GADD45B: variants seen among roughly 807,000 people sequenced by gnomAD.
GADD45B encodes the protein growth arrest and DNA damage-inducible protein GADD45 beta.
In GADD45B, 8 loss-of-function variants were observed where a neutral mutation model predicts 15.2. That is an observed-to-expected ratio of 0.53 (90% CI 0.31 to 0.95). The LOEUF (loss-of-function observed/expected upper bound fraction) is 0.95. GADD45B is among the 40% of genes least tolerant of loss of function. The probability of loss-of-function intolerance (pLI) is 0.05; values close to 1 mark genes in which losing one functional copy is unlikely to be tolerated. For missense variants in GADD45B, 162 were observed against 216.6 expected (o/e 0.75, Z 1.58); for synonymous variants, 100 against 89.8 (o/e 1.11, Z -0.64).
chr19:2,477,600 G>A lies in GADD45B; in HGVS notation c.482G>A (p.Ter161=), dbSNP rs1972336093. ...WVPYISLQER[*] ...CCCTACATCTCTCTTCAGGAACGCT[G>A]AGGCCCTTCCCAGCAGCAGAATCTG... is the stretch of plus-strand genomic sequence containing the variant. Residue 161 remains the stop codon, a stop_retained_variant, in exon 4 of 4, where the codon TGA becomes TAA. Transcript: ENST00000215631. The surrounding 1 kb of genome is among the most constrained non-coding windows in gnomAD (Gnocchi z 4.2). 2 of 1,555,682 alleles carry A rather than the reference G, an allele frequency of 1.3e-6. No individual in the cohort carries two copies. Among genetic ancestry groups the A allele is most frequent in the South Asian group, 1.1e-5 (1 of 89,890 alleles).
chr19:2,477,101 C>A lies in GADD45B; in HGVS notation c.219C>A (p.Ile73=), dbSNP rs1369520582. 5 of 1,613,830 alleles carry A rather than the reference C, an allele frequency of 3.1e-6. No homozygotes were observed. In the African/African-American group the frequency reaches 5.3e-5, roughly 17 times the overall value. Residue 73 remains isoleucine (I), a synonymous_variant, in exon 3 of 4, where the codon ATC becomes ATA. Coordinates refer to ENST00000215631, the MANE Select transcript of GADD45B (RefSeq NM_015675.4). This position sits in a 1 kb window ranked among gnomAD's most constrained non-coding sequence, Gnocchi z 4.2. ...EEEEDDIALQ[I]HFTLIQSFCC... is the part of the protein sequence containing the mutation. ...AGGAGGATGACATCGCCCTGCAAAT[C>A]CACTTCACGCTCATCCAGTCCTTCT...
At position 2,476,296 on chromosome 19, in the gene GADD45B, A is replaced by G. The variant is rs1372731580; in HGVS notation, c.-63A>G. ...GAAGGTTTTGGGCTCTCTGGCTCGG[A>G]TTTTGCAATTTCTCCCTGGGGACTG... On this transcript the variant is annotated 5_prime_UTR_variant, in exon 1 of 4. Transcript: ENST00000215631. The G allele has an allele frequency of 1.0e-5, 16 of 1,553,424 alleles. No homozygotes were observed. The East Asian group carries it at 3.1e-4, about 30-fold the overall frequency.
At chr19:2,476,423 C>T in intron 1 of GADD45B, 21 bp downstream of exon 1, 2 of 1,611,914 alleles carry the variant, frequency 1.2e-6, no homozygotes, top group Non-Finnish European at 1.7e-6. Flanking sequence ...GGGGCTGCCG[C>T]CGCCTGAGGT....
At position 2,477,348 on chromosome 19, in the gene GADD45B, C is replaced by G. The variant is rs769939606; in HGVS notation, c.369+97C>G. 8.6e-6 allele frequency: 9 copies of G among 1,045,102 alleles called. No homozygotes were observed. Among genetic ancestry groups the G allele is most frequent in the Admixed American group, 2.4e-5 (1 of 41,134 alleles). 64.7% of individuals were successfully genotyped at this position (1,045,102 alleles called of 1,614,324 possible). ...GACTGGTCCTGCACAGCTCAGCGCT[C>G]AGCCACGTTTGGCATGTCCCGTGGG... On this transcript the variant is annotated intron_variant, in intron 3 of 3. Transcript: ENST00000215631. The surrounding 1 kb of genome is among the most constrained non-coding windows in gnomAD (Gnocchi z 4.2).
Position 2,477,171 on chromosome 19 carries a change from C to G in GADD45B, c.289C>G (p.Arg97Gly). The change falls in exon 3 of 4, where the codon CGC becomes GGC. Residue 97 changes from arginine to glycine, a missense_variant. Arg to Gly is a moderately radical substitution (Grantham distance 125). Coordinates refer to ENST00000215631, the MANE Select transcript of GADD45B (RefSeq NM_015675.4). This position sits in a 1 kb window ranked among gnomAD's most constrained non-coding sequence, Gnocchi z 4.2. The part of the protein sequence containing the change: ...INIVRVSGMQ[R>G]LAQLLGEPAE... Reference sequence around the variant, plus strand: ...CATCGTGCGGGTGTCGGGCATGCAGCGCCTGGCGCAGCTCCTGGGAGAGCC... The same window carrying G: ...CATCGTGCGGGTGTCGGGCATGCAGGGCCTGGCGCAGCTCCTGGGAGAGCC... 6.2e-7 allele frequency: 1 copy of G among 1,612,946 alleles called. No individual in the cohort carries two copies. The highest frequency in any genetic ancestry group is 1.7e-5 in the Admixed American group (1 of 60,004).
In GADD45B at chr19:2,476,391, C is replaced by G. The variant is rs757444576; in HGVS notation, c.33C>G (p.Asn11Lys). 1 of 1,613,444 alleles carries G rather than the reference C, an allele frequency of 6.2e-7. No individual in the cohort carries two copies. The highest frequency in any genetic ancestry group is 8.5e-7 in the Non-Finnish European group (1 of 1,179,916). MTLEELVACD[N>K]AAQKMQTVTA... The stretch of plus-strand genomic sequence containing the variant: ...TGGAAGAGCTCGTGGCGTGCGACAA[C>G]GCGGCGCAGAAGTAAGTAGCCGGGG... The change falls in exon 1 of 4, where the codon AAC becomes AAG. Residue 11 changes from asparagine to lysine, a missense_variant. Physicochemically the swap from Asn to Lys is moderately conservative, Grantham distance 94. Coordinates refer to ENST00000215631, the MANE Select transcript of GADD45B (RefSeq NM_015675.4).
chr19:2,476,260 T>C lies in GADD45B; in HGVS notation c.-99T>C. On this transcript the variant is annotated 5_prime_UTR_variant, in exon 1 of 4. Transcript: ENST00000215631. ...TCCCGAAGGTCTTGGACGAGCGCTC[T>C]AGCTCTGTGGGAAGGTTTTGGGCTC... The C allele has an allele frequency of 8.7e-7, 1 of 1,147,428 alleles. No individual in the cohort carries two copies. The highest frequency in any genetic ancestry group is 1.7e-5 in the Admixed American group (1 of 59,274). 71.1% of individuals were successfully genotyped at this position (1,147,428 alleles called of 1,614,324 possible). A position where few individuals can be genotyped will look rare whatever the true frequency, so the allele number is the denominator to read the frequency against.
In GADD45B at chr19:2,476,368, G is replaced by C; in HGVS notation, c.10G>C (p.Glu4Gln). 1 of 1,613,882 alleles carries C rather than the reference G, an allele frequency of 6.2e-7. No individual in the cohort carries two copies. The highest frequency in any genetic ancestry group is 8.5e-7 in the Non-Finnish European group (1 of 1,179,986). Residue 4 changes from glutamate to glutamine, a missense_variant, in exon 1 of 4, where the codon GAA (glutamate) becomes CAA (glutamine). Coordinates refer to ENST00000215631, the MANE Select transcript of GADD45B (RefSeq NM_015675.4). The part of the protein sequence containing the change: MTL[E>Q]ELVACDNAAQ... ...GGATTATAATTGCAACATGACGCTG[G>C]AAGAGCTCGTGGCGTGCGACAACGC...
chr19:2,477,041 C>T lies in GADD45B; in HGVS notation c.159C>T (p.Ser53=), dbSNP rs1320613379. 2.5e-6 allele frequency: 4 copies of T among 1,612,156 alleles called. No homozygotes were observed. The highest frequency in any genetic ancestry group is 1.1e-5 in the South Asian group (1 of 91,040). ...TTGGCCCCCTCAGGGACCCAGACAGCGTGGTCCTCTGCCTCTTGGCCATTG... is the reference window on the plus strand; with the variant it reads ...TTGGCCCCCTCAGGGACCCAGACAGTGTGGTCCTCTGCCTCTTGGCCATTG... ...SAKLMNVDPD[S]VVLCLLAIDE... The change falls in exon 3 of 4, where the codon AGC becomes AGT. Residue 53 remains serine, a synonymous_variant. Transcript: ENST00000215631. The surrounding 1 kb of genome is among the most constrained non-coding windows in gnomAD (Gnocchi z 4.2).
rs765986595 is a variant in GADD45B at position 2,476,311 on chromosome 19, C to T, written c.-48C>T. ...TCTGGCTCGGATTTTGCAATTTCTCCCTGGGGACTGCCGTGGAGCCGCATC... is the reference window on the plus strand; with the variant it reads ...TCTGGCTCGGATTTTGCAATTTCTCTCTGGGGACTGCCGTGGAGCCGCATC... On this transcript the variant is annotated 5_prime_UTR_variant, in exon 1 of 4. Transcript: ENST00000215631. 2 of 1,600,854 alleles carry T rather than the reference C, an allele frequency of 1.2e-6. No individual in the cohort carries two copies. Among genetic ancestry groups the T allele is most frequent in the Admixed American group, 1.7e-5 (1 of 60,012 alleles).
chr19:2,476,663 G>T, intron 2 of GADD45B, 33 bp downstream of exon 2: 1 of 1,325,894 alleles, frequency 7.5e-7, no homozygotes, highest in South Asian at 1.3e-5. Flanking sequence ...GCTGGGCGCG[G>T]GTGGGACGGG....
chr19:2,477,328 G>T lies in GADD45B; in HGVS notation c.369+77G>T, dbSNP rs776742077. 9.0e-7 allele frequency: 1 copy of T among 1,109,584 alleles called. No homozygotes were observed. The highest frequency in any genetic ancestry group is 1.3e-6 in the Non-Finnish European group (1 of 777,972). The allele number at this position is 1,109,584 out of a possible 1,614,324, so 68.7% of individuals were successfully genotyped here. A position where few individuals can be genotyped will look rare whatever the true frequency, so the allele number is the denominator to read the frequency against. On this transcript the variant is annotated intron_variant, in intron 3 of 3. Transcript: ENST00000215631. The surrounding 1 kb of genome is among the most constrained non-coding windows in gnomAD (Gnocchi z 4.2). The stretch of plus-strand genomic sequence containing the variant: ...TTTGTCAACAAAGTCGGGCTGACTG[G>T]TCCTGCACAGCTCAGCGCTCAGCCA...
chr19:2,477,365 T>C lies in GADD45B; in HGVS notation c.369+114T>C, dbSNP rs1300734828. The C allele has an allele frequency of 2.0e-6, 2 of 1,012,760 alleles. No individual in the cohort carries two copies. Among genetic ancestry groups the C allele is most frequent in the South Asian group, 3.0e-5 (2 of 66,018 alleles). 62.7% of individuals were successfully genotyped at this position (1,012,760 alleles called of 1,614,324 possible). ...TCAGCGCTCAGCCACGTTTGGCATG[T>C]CCCGTGGGCAGCCGGGCTGGGGCCT... On this transcript the variant is annotated intron_variant, in intron 3 of 3. Transcript: ENST00000215631. This position sits in a 1 kb window ranked among gnomAD's most constrained non-coding sequence, Gnocchi z 4.2.
Position 2,476,206 on chromosome 19 carries a change from T to C in GADD45B, c.-153T>C. On this transcript the variant is annotated 5_prime_UTR_variant, in exon 1 of 4. Coordinates refer to ENST00000215631, the MANE Select transcript of GADD45B (RefSeq NM_015675.4). ...CGCCAAGGACTTTGCAATATATTTT[T>C]CCGCCTTTTCTGGAAGGATTTCGCT... 2 of 747,246 alleles carry C rather than the reference T, an allele frequency of 2.7e-6. No individual in the cohort carries two copies. Among genetic ancestry groups the C allele is most frequent in the South Asian group, 1.5e-5 (1 of 65,844 alleles). The allele number at this position is 747,246 out of a possible 1,614,324, so 46.3% of individuals were successfully genotyped here.
At position 2,477,678 on chromosome 19, in the gene GADD45B, C is replaced by A. The variant is rs1473286491; in HGVS notation, c.*77C>A. ...CAATAAATATTTGAACCCCCTCCCC[C>A]CCAGCACAACCCCCCCAAAACAACC... On this transcript the variant is annotated 3_prime_UTR_variant, in exon 4 of 4. Transcript: ENST00000215631. The surrounding 1 kb of genome is among the most constrained non-coding windows in gnomAD (Gnocchi z 4.2). The A allele has an allele frequency of 3.1e-6, 2 of 653,898 alleles. No homozygotes were observed. Among genetic ancestry groups the A allele is most frequent in the South Asian group, 1.7e-5 (1 of 58,054 alleles). 40.5% of individuals were successfully genotyped at this position (653,898 alleles called of 1,614,324 possible).
chr19:2,476,524 C>G lies in GADD45B; in HGVS notation c.45-5C>G, dbSNP rs1347195282. On this transcript the variant is annotated splice_region_variant and splice_polypyrimidine_tract_variant and intron_variant, in intron 1 of 3. Coordinates refer to ENST00000215631, the MANE Select transcript of GADD45B (RefSeq NM_015675.4). ...CCGTCACTGATCCCTCTTTCCTGGT[C>G]TCAGGATGCAGACGGTGACCGCCGC... 6.2e-7 allele frequency: 1 copy of G among 1,606,552 alleles called. No individual in the cohort carries two copies. The highest frequency in any genetic ancestry group is 8.5e-7 in the Non-Finnish European group (1 of 1,174,780).
rs1972309894 is a variant in GADD45B at position 2,476,255 on chromosome 19, C to A, written c.-104C>A. On this transcript the variant is annotated 5_prime_UTR_variant, in exon 1 of 4. Transcript: ENST00000215631. ...CTGCTTCCCGAAGGTCTTGGACGAG[C>A]GCTCTAGCTCTGTGGGAAGGTTTTG... 1.9e-6 allele frequency: 2 copies of A among 1,063,962 alleles called. No homozygotes were observed. Among genetic ancestry groups the A allele is most frequent in the Non-Finnish European group, 2.9e-6 (2 of 683,466 alleles). The allele number at this position is 1,063,962 out of a possible 1,614,324, so 65.9% of individuals were successfully genotyped here.
intron 2 of GADD45B, 170 bp downstream of exon 2, chr19:2,476,800 G>A (rs1232339651): frequency 4.9e-6 from 3 of 613,614 alleles, no homozygotes; most frequent in Non-Finnish European, 8.6e-6. Flanking sequence ...GCCGTATCCT[G>A]ATGTATCGTC....
At position 2,476,145 on chromosome 19, in the gene GADD45B, A is replaced by G. The variant is rs1361626029; in HGVS notation, c.-214A>G. The G allele has an allele frequency of 1.3e-5, 8 of 605,600 alleles. No homozygotes were observed. The highest frequency in any genetic ancestry group is 2.4e-5 in the Non-Finnish European group (8 of 339,670). The allele number at this position is 605,600 out of a possible 1,614,324, so 37.5% of individuals were successfully genotyped here. A position where few individuals can be genotyped will look rare whatever the true frequency, so the allele number is the denominator to read the frequency against. ...CCAGCTCAGATCGCCGAAGCGTCGG[A>G]CTACCGTTGGTTTCCGCAACTTCCT... On this transcript the variant is annotated 5_prime_UTR_variant, in exon 1 of 4. Transcript: ENST00000215631.
Sources: allele counts gnomAD v4.1 joint callset, GRCh38; gene constraint gnomAD v4.1.1; non-coding constraint Gnocchi (gnomAD v3.1); transcripts MANE v1.5; gene names NCBI Gene and HGNC (gene_info 2026-07-23, HGNC 2026-07-21).